The following PTCHD4 variants were observed in gnomAD, a reference collection of about 807,000 sequenced individuals.
The protein encoded by PTCHD4 is patched domain containing 4.
A neutral mutation model predicts 58.1 loss-of-function variants in PTCHD4; 33 were observed. The ratio of observed to expected loss-of-function variants is 0.57; its 90% CI spans 0.43 to 0.76. The LOEUF (loss-of-function observed/expected upper bound fraction) is 0.76. PTCHD4 is among the 30% of genes least tolerant of loss of function. The probability of loss-of-function intolerance (pLI) is 0.00; values close to 1 mark genes in which losing one functional copy is unlikely to be tolerated. For synonymous variants in PTCHD4, 478 were observed against 409.6 expected (o/e 1.17, Z -2.02); for missense variants, 1,058 against 1,027.1 (o/e 1.03, Z -0.41).
chr6:47,906,119 T>C (rs866286468), intron 4 of PTCHD4, among the ~76,000 whole-genome samples: 13 of 152,376 alleles, frequency 8.5e-5, no homozygotes, highest in Middle Eastern at 3.4e-3. Flanking sequence ...AAATGTACCC[T>C]GTCTTGTGGC....
intron 1 of PTCHD4, among the ~76,000 whole-genome samples, chr6:48,095,180 TTATAAAG>T (rs1765439105): frequency 6.6e-6 from 1 of 152,212 alleles, no homozygotes; most frequent in African/African-American, 2.4e-5. Flanking sequence ...TTACTGCCAA[TTATAAAG>T]TATAATTTCA....
intron 1 of PTCHD4, among the ~76,000 whole-genome samples, chr6:48,107,285 G>A (rs1654449354): frequency 6.6e-6 from 1 of 152,106 alleles, no homozygotes; most frequent in African/African-American, 2.4e-5. Flanking sequence ...AGAGCCCTCA[G>A]AAATAATGCT....
chr6:47,899,614 T>G, intron 4 of PTCHD4: 8 of 969,206 alleles, frequency 8.3e-6, no homozygotes, highest in Non-Finnish European at 9.8e-6. Flanking sequence ...CTTCCGTTTG[T>G]TTTTAACAGC....
chr6:48,106,534 ACTGGCACAAGACAGGGATGCCCTCT>A (rs1351709508), intron 1 of PTCHD4, among the ~76,000 whole-genome samples: 1 of 152,204 alleles, frequency 6.6e-6, no homozygotes, highest in African/African-American at 2.4e-5. Context: ...CCCTTTGAAA[ACTGGCACAAGACAGGGATGCCCTCT>A]CTCACCACTC....
rs534112009 is a variant in PTCHD4 at position 47,879,078 on chromosome 6, C to T, written c.1757G>A (p.Arg586Gln). 25 of 1,613,266 alleles carry T rather than the reference C, an allele frequency of 1.5e-5. No individual in the cohort carries two copies. Among genetic ancestry groups the T allele is most frequent in the South Asian group, 3.3e-5 (3 of 91,070 alleles). Residue 586 changes from arginine (R) to glutamine (Q), a missense_variant, in exon 5 of 5, where the codon CGA becomes CAA. Coordinates refer to ENST00000339488, the MANE Select transcript of PTCHD4 (RefSeq NM_001384253.1). Reference protein sequence around the residue: ...FLKKPEFQHFRNDIIFSKAGD... With the variant: ...FLKKPEFQHFQNDIIFSKAGD... Reference sequence around the variant, plus strand: ...TGCCTTGGAGAAGATGATATCATTTCGAAAATGCTGGAATTCTGGCTTTTT... The same window carrying T: ...TGCCTTGGAGAAGATGATATCATTTTGAAAATGCTGGAATTCTGGCTTTTT...
At chr6:47,924,130 G>C (rs1765520131) in intron 4 of PTCHD4, among the ~76,000 whole-genome samples, 2 of 151,938 alleles carry the variant, frequency 1.3e-5, no homozygotes, top group South Asian at 4.2e-4. Flanking sequence ...CACTATCTTG[G>C]TCAAAGTCAG....
chr6:47,988,985 T>C (rs113888583), intron 4 of PTCHD4, among the ~76,000 whole-genome samples: 8 of 152,274 alleles, frequency 5.3e-5, no homozygotes, highest in African/African-American at 1.9e-4. Flanking sequence ...GTTTGGAACT[T>C]CCTAGAGACT....
chr6:47,948,567 C>A lies in PTCHD4; in HGVS notation c.898+60067G>T, dbSNP rs542601248. On this transcript the variant is annotated intron_variant, in intron 4 of 4. Coordinates refer to ENST00000339488, the MANE Select transcript of PTCHD4 (RefSeq NM_001384253.1). ...ATTTTATAAACTTTAAAATGAGAAA[C>A]AGAATGCATCATTATAAGAGAGGGA... Among the ~76,000 whole-genome samples the A allele has an allele frequency of 9.9e-5, 15 of 152,264 alleles. No homozygotes were observed. The South Asian group carries it at 2.1e-3, about 21-fold the overall frequency.
intron 4 of PTCHD4, among the ~76,000 whole-genome samples, chr6:48,003,212 T>A (rs1768806077): frequency 6.6e-6 from 1 of 152,210 alleles, no homozygotes; most frequent in Non-Finnish European, 1.5e-5. Context: ...AGCTATGCTG[T>A]GATGAATCTC....
chr6:48,058,632 G>T (rs1349943118), intron 3 of PTCHD4, among the ~76,000 whole-genome samples: 2 of 152,290 alleles, frequency 1.3e-5, no homozygotes, highest in South Asian at 2.1e-4. Context: ...AACCATCAGA[G>T]AAATAGAAAA....
chr6:48,089,524 G>A lies in PTCHD4; in HGVS notation c.-969-19598C>T, dbSNP rs376051883. On this transcript the variant is annotated intron_variant, in intron 1 of 4. Transcript: ENST00000339488. ...CTAATAACCATATTCAGATATGTACGATTAGAGACCAACAATGAATCTTTT... is the reference window on the plus strand; with the variant it reads ...CTAATAACCATATTCAGATATGTACAATTAGAGACCAACAATGAATCTTTT... Among the ~76,000 whole-genome samples, 216 of 152,278 alleles carry A rather than the reference G, an allele frequency of 1.4e-3. 4 individuals are homozygous for A. The South Asian group carries it at 0.039, about 27-fold the overall frequency.
Position 47,927,180 on chromosome 6 carries a change from T to C in PTCHD4, c.899-47244A>G, listed in dbSNP as rs373360909. ...AGCTACTTGGAGCCTGAACTAGATATGCTTATGTGCCCTCTATCCCCTACC... is the reference window on the plus strand; with the variant it reads ...AGCTACTTGGAGCCTGAACTAGATACGCTTATGTGCCCTCTATCCCCTACC... On this transcript the variant is annotated intron_variant, in intron 4 of 4. Coordinates refer to ENST00000339488, the MANE Select transcript of PTCHD4 (RefSeq NM_001384253.1). Among the ~76,000 whole-genome samples, 10 of 152,316 alleles carry C rather than the reference T, an allele frequency of 6.6e-5. No individual in the cohort carries two copies. In the South Asian group the frequency reaches 1.9e-3, roughly 28 times the overall value.
intron 4 of PTCHD4, among the ~76,000 whole-genome samples, chr6:47,929,699 T>C (rs950913275): frequency 6.6e-6 from 1 of 152,348 alleles, no homozygotes; most frequent in Admixed American, 6.5e-5. Flanking sequence ...GGCTCTTAAA[T>C]GCTCTGGTGC....
intron 3 of PTCHD4, among the ~76,000 whole-genome samples, chr6:48,060,989 C>T (rs562855253): frequency 5.3e-5 from 8 of 152,342 alleles, no homozygotes; most frequent in African/African-American, 1.9e-4. Flanking sequence ...CAGTGAGAGG[C>T]TCTTCCATAA....
chr6:47,924,989 G>A (rs1045953725), intron 4 of PTCHD4, among the ~76,000 whole-genome samples: 2 of 148,588 alleles, frequency 1.3e-5, no homozygotes, highest in Non-Finnish European at 3.0e-5. Flanking sequence ...TTATATATAT[G>A]TATATGCTTT....
intron 4 of PTCHD4, among the ~76,000 whole-genome samples, chr6:48,008,080 T>A (rs1256772689): frequency 6.6e-6 from 1 of 152,104 alleles, no homozygotes; most frequent in Non-Finnish European, 1.5e-5. Context: ...ATGAAAAAAA[T>A]TAGAGGATAT....
intron 1 of PTCHD4, among the ~76,000 whole-genome samples, chr6:48,103,860 GATGAAATGA>G (rs1765660665): frequency 6.6e-6 from 1 of 152,190 alleles, no homozygotes; most frequent in South Asian, 2.1e-4. Context: ...AGCGATGGAA[GATGAAATGA>G]ATGAAATGAA....
At chr6:47,949,634 C>G (rs1766556497) in intron 4 of PTCHD4, among the ~76,000 whole-genome samples, 1 of 152,070 alleles carries the variant, frequency 6.6e-6, no homozygotes, top group Non-Finnish European at 1.5e-5. Flanking sequence ...AAGCAGCTCT[C>G]TCTTTGCAAC....
chr6:47,889,938 T>C (rs1230914898), intron 4 of PTCHD4, among the ~76,000 whole-genome samples: 1 of 151,820 alleles, frequency 6.6e-6, no homozygotes, highest in Admixed American at 6.6e-5. Context: ...TGGGAGAAAA[T>C]TTTCGCAACC....
Sources: gnomAD v4.1 joint callset for allele counts (sites outside exome capture counted in the v4.1 genomes callset) on GRCh38, gnomAD v4.1.1 for gene constraint, MANE v1.5 for transcripts, NCBI Gene and HGNC (gene_info 2026-07-23, HGNC 2026-07-21) for gene names.